Variants in ANKRD12 observed in about 807,000 individuals in gnomAD.
ANKRD12 encodes the protein ankyrin repeat domain-containing protein 12.
ANKRD12 carries 85 observed loss-of-function variants against 183.4 expected under a neutral mutation model. That is an observed-to-expected ratio of 0.46 (90% CI 0.39 to 0.56). The LOEUF (loss-of-function observed/expected upper bound fraction) is 0.56, where lower values mean the gene tolerates loss of function less well. Among genes scored for constraint, ANKRD12 ranks in the 20% least tolerant of loss-of-function variants. ANKRD12 has a pLI of 0.00. For synonymous variants in ANKRD12, 914 were observed against 800.2 expected (o/e 1.14, Z -2.40); for missense variants, 2,405 against 2,357.1 (o/e 1.02, Z -0.42).
intron 5 of ANKRD12, among the ~76,000 whole-genome samples, chr18:9,210,508 GCCAGGAGTTTGAGA>G (rs2035734767): frequency 6.6e-6 from 1 of 151,694 alleles, no homozygotes; most frequent in East Asian, 1.9e-4. Flanking sequence ...ATCACTTGAG[GCCAGGAGTTTGAGA>G]CCAGCCTGGC....
intron 3 of ANKRD12, among the ~76,000 whole-genome samples, chr18:9,197,834 G>A (rs1355627169): frequency 1.3e-5 from 2 of 152,154 alleles, no homozygotes; most frequent in East Asian, 3.8e-4. Flanking sequence ...GAAAATTCCT[G>A]TGTAAGTGGA....
At chr18:9,151,289 GT>G (rs1373019241) in intron 1 of ANKRD12, among the ~76,000 whole-genome samples, 3 of 152,134 alleles carry the variant, frequency 2.0e-5, no homozygotes, top group African/African-American at 4.8e-5. Flanking sequence ...ATTACTTAGT[GT>G]TTATGTCTAA....
At chr18:9,212,831 C>T (rs2144651705) in intron 6 of ANKRD12, among the ~76,000 whole-genome samples, 1 of 151,942 alleles carries the variant, frequency 6.6e-6, no homozygotes, top group South Asian at 2.1e-4. Flanking sequence ...TTTGGATTTT[C>T]ATGATCAGTA....
Position 9,255,451 on chromosome 18 carries a change from A to T in ANKRD12, c.2184A>T (p.Lys728Asn). 2 of 1,573,938 alleles carry T rather than the reference A, an allele frequency of 1.3e-6. No individual in the cohort carries two copies. Among genetic ancestry groups the T allele is most frequent in the Non-Finnish European group, 1.7e-6 (2 of 1,168,426 alleles). Reference sequence around the variant, plus strand: ...TAGAAAAAAAATCAAAATTGGAAAAAAACATCAAAGATGATAAATCAACCA... The same window carrying T: ...TAGAAAAAAAATCAAAATTGGAAAATAACATCAAAGATGATAAATCAACCA... ...LTLEKKSKLE[K>N]NIKDDKSTKE... The change falls in exon 9 of 13, where the codon AAA (lysine) becomes AAT (asparagine). Residue 728 changes from lysine (K) to asparagine (N), a missense_variant. Lys to Asn is a moderately conservative substitution (Grantham distance 94, BLOSUM62 0). Around this residue, in one of 7 missense-constraint regions of ANKRD12, gnomAD observed 1,983 missense variants for 1,725.9 expected, o/e 1.15. Transcript: ENST00000262126.
intron 11 of ANKRD12, among the ~76,000 whole-genome samples, chr18:9,276,469 C>T (rs2039840344): frequency 6.6e-6 from 1 of 152,100 alleles, no homozygotes; most frequent in Admixed American, 6.5e-5. Context: ...AATCCCAGCA[C>T]TTTGGGAGGC....
At chr18:9,266,413 ATC>A (rs1224327125) in intron 10 of ANKRD12, among the ~76,000 whole-genome samples, 1 of 152,246 alleles carries the variant, frequency 6.6e-6, no homozygotes, top group African/African-American at 2.4e-5. Context: ...TTAACAGCTG[ATC>A]TCTCAGCAGA....
intron 5 of ANKRD12, among the ~76,000 whole-genome samples, chr18:9,211,256 A>G (rs966214782): frequency 2.6e-5 from 4 of 152,188 alleles, no homozygotes; most frequent in African/African-American, 9.6e-5. Flanking sequence ...TAATAGCATA[A>G]CATACCTAGG....
At position 9,239,464 on chromosome 18, in the gene ANKRD12, A is replaced by G. The variant is rs559462015; in HGVS notation, c.944-14747A>G. ...TGTTTCATGTGTTCATCAGCTATGT[A>G]TTGATTTTTCAGAATATTTATTTTC... On this transcript the variant is annotated intron_variant, in intron 8 of 12. Transcript: ENST00000262126. 3.8e-5 allele frequency: 47 copies of G among 1,238,898 alleles called. 2 individuals are homozygous for G. In the South Asian group the frequency reaches 5.6e-4, roughly 15 times the overall value. The allele number at this position is 1,238,898 out of a possible 1,614,324, so 76.7% of individuals were successfully genotyped here.
At chr18:9,174,829 G>A (rs1187697346) in intron 1 of ANKRD12, among the ~76,000 whole-genome samples, 3 of 125,798 alleles carry the variant, frequency 2.4e-5, no homozygotes, top group Non-Finnish European at 5.4e-5. Context: ...TCTTACAGGT[G>A]GAAACTGAGG....
intron 2 of ANKRD12, among the ~76,000 whole-genome samples, chr18:9,184,544 C>T (rs1007190258): frequency 1.8e-4 from 27 of 152,110 alleles, no homozygotes; most frequent in African/African-American, 6.3e-4. Context: ...AGGTGCACAC[C>T]ACTATGCCCA....
intron 7 of ANKRD12, 76 bp from the exon 8 acceptor site, chr18:9,221,776 G>A: frequency 7.0e-7 from 1 of 1,433,004 alleles, no homozygotes; most frequent in Non-Finnish European, 9.6e-7. Context: ...AGGATACTAT[G>A]AGTATTATCA....
At chr18:9,176,156 T>A (rs1272223336) in intron 1 of ANKRD12, among the ~76,000 whole-genome samples, 1 of 152,244 alleles carries the variant, frequency 6.6e-6, no homozygotes, top group Non-Finnish European at 1.5e-5. Context: ...TGACATTGAT[T>A]ATCTGTGAGG....
chr18:9,152,011 G>A (rs2078700974), intron 1 of ANKRD12, among the ~76,000 whole-genome samples: 2 of 152,258 alleles, frequency 1.3e-5, no homozygotes, highest in African/African-American at 4.8e-5. Flanking sequence ...GAGGCCATGA[G>A]TTTGTGGCTA....
intron 1 of ANKRD12, among the ~76,000 whole-genome samples, chr18:9,143,746 C>T (rs1486750409): frequency 6.6e-6 from 1 of 152,156 alleles, no homozygotes; most frequent in Non-Finnish European, 1.5e-5. Context: ...AGGCGTGAGC[C>T]ACCACTCTCT....
chr18:9,256,197 A>C lies in ANKRD12; in HGVS notation c.2930A>C (p.His977Pro). ...KESINITNSK[H>P]IQEEKKSSIV... ...AGTATAAATATAACTAACTCCAAACACATACAGGAAGAAAAAAAATCAAGT... is the reference window on the plus strand; with the variant it reads ...AGTATAAATATAACTAACTCCAAACCCATACAGGAAGAAAAAAAATCAAGT... Residue 977 changes from histidine to proline, a missense_variant, in exon 9 of 13, where the codon CAC becomes CCC. Physicochemically the swap from His to Pro is moderately conservative, Grantham distance 77 (BLOSUM62 -2). This residue lies in a region of ANKRD12 where 1,983 missense variants were observed against 1,725.9 expected (regional missense o/e 1.15). Coordinates refer to ENST00000262126, the MANE Select transcript of ANKRD12 (RefSeq NM_015208.5). 6.4e-7 allele frequency: 1 copy of C among 1,573,226 alleles called. No homozygotes were observed. Among genetic ancestry groups the C allele is most frequent in the Non-Finnish European group, 8.6e-7 (1 of 1,167,382 alleles).
rs372800331 is a variant in ANKRD12 at position 9,257,160 on chromosome 18, T to C, written c.3893T>C (p.Ile1298Thr). 6.2e-7 allele frequency: 1 copy of C among 1,614,156 alleles called. No homozygotes were observed. The highest frequency in any genetic ancestry group is 1.3e-5 in the African/African-American group (1 of 75,052). The change falls in exon 9 of 13, where the codon ATA becomes ACA. Residue 1298 changes from isoleucine to threonine, a missense_variant. Around this residue, in one of 7 missense-constraint regions of ANKRD12, gnomAD observed 1,983 missense variants for 1,725.9 expected, o/e 1.15. Transcript: ENST00000262126. Reference sequence around the variant, plus strand: ...TCTGTAGAAGATGTTAAACTAATTATAAGCGAGGGGAGACCTACCATAGAA... The same window carrying C: ...TCTGTAGAAGATGTTAAACTAATTACAAGCGAGGGGAGACCTACCATAGAA... ...SSSVEDVKLIISEGRPTIEVR... is the reference protein window; with the variant it reads ...SSSVEDVKLITSEGRPTIEVR...
intron 1 of ANKRD12, among the ~76,000 whole-genome samples, chr18:9,142,265 C>A (rs1283713940): frequency 6.6e-6 from 1 of 152,136 alleles, no homozygotes; most frequent in Non-Finnish European, 1.5e-5. Context: ...AATTACAGTG[C>A]TTTGTAGTTC....
intron 10 of ANKRD12, among the ~76,000 whole-genome samples, chr18:9,273,497 A>T (rs1000785878): frequency 3.3e-5 from 5 of 152,226 alleles, no homozygotes; most frequent in Non-Finnish European, 7.3e-5. Flanking sequence ...AGTGCTGGTG[A>T]GGATGTGAAG....
rs2039383521 is a variant in ANKRD12, at chr18:9,267,831, G to T, written c.5763+3943G>T. Among the ~76,000 whole-genome samples the T allele has an allele frequency of 2.0e-5, 3 of 152,054 alleles. No individual in the cohort carries two copies. In the South Asian group the frequency reaches 6.2e-4, roughly 32 times the overall value. Reference sequence around the variant, plus strand: ...CCCTTCAAAAAATCAATGAATCCAGGAGCTGGTTTTTTGAAAAGATCAACA... The same window carrying T: ...CCCTTCAAAAAATCAATGAATCCAGTAGCTGGTTTTTTGAAAAGATCAACA... On this transcript the variant is annotated intron_variant, in intron 10 of 12. Coordinates refer to ENST00000262126, the MANE Select transcript of ANKRD12 (RefSeq NM_015208.5).
Sources: allele counts gnomAD v4.1 joint callset (sites outside exome capture counted in the v4.1 genomes callset), GRCh38; gene constraint gnomAD v4.1.1; regional missense constraint gnomAD v4.1.1; transcripts MANE v1.5; gene names NCBI Gene and HGNC (gene_info 2026-07-23, HGNC 2026-07-21).